Variants in PIBF1 observed in about 807,000 individuals in gnomAD.
PIBF1 encodes progesterone-induced-blocking factor 1.
Under a neutral mutation model 112.5 loss-of-function variants are expected in PIBF1, and 90 were observed. The observed-to-expected ratio is 0.80, with a 90% confidence interval of 0.67 to 0.95. PIBF1 has a LOEUF of 0.95. Among genes scored for constraint, PIBF1 ranks in the 40% least tolerant of loss-of-function variants. The probability of loss-of-function intolerance (pLI) is 0.00; values close to 1 mark genes in which losing one functional copy is unlikely to be tolerated. For synonymous variants in PIBF1, 301 were observed against 288.6 expected, an observed-to-expected ratio of 1.04 and a Z score of -0.44; for missense variants, 915 against 852.3, an observed-to-expected ratio of 1.07 and a Z score of -0.92.
At chr13:72,951,803 G>A (rs1415543141) in intron 14 of PIBF1, among the ~76,000 whole-genome samples, 2 of 152,132 alleles carry the variant, frequency 1.3e-5, no homozygotes, top group Non-Finnish European at 2.9e-5. Context: ...CCAGGCTCAA[G>A]CAATTCTCAT....
chr13:72,928,211 G>T (rs375327445), intron 13 of PIBF1, among the ~76,000 whole-genome samples: 7 of 150,830 alleles, frequency 4.6e-5, no homozygotes, highest in Non-Finnish European at 8.8e-5. Flanking sequence ...TAATACTCAC[G>T]GTCCTTCCCG....
At chr13:72,864,834 C>G (rs1413515047) in intron 10 of PIBF1, among the ~76,000 whole-genome samples, 2 of 152,150 alleles carry the variant, frequency 1.3e-5, no homozygotes, top group African/African-American at 4.8e-5. Flanking sequence ...TAAATGAGCT[C>G]TTATTTCCTA....
At chr13:73,002,817 C>G (rs1429819060) in intron 17 of PIBF1, among the ~76,000 whole-genome samples, 1 of 151,920 alleles carries the variant, frequency 6.6e-6, no homozygotes, top group African/African-American at 2.4e-5. Flanking sequence ...AATCCCGTCT[C>G]TACTAAAAAT....
chr13:72,965,855 C>T (rs2042726492), intron 15 of PIBF1, among the ~76,000 whole-genome samples: 1 of 152,114 alleles, frequency 6.6e-6, no homozygotes, highest in African/African-American at 2.4e-5. Context: ...TTCTTCTGAC[C>T]TTTTACATGA....
rs557206478 is a variant in PIBF1 at position 72,975,103 on chromosome 13, T to A, written c.2049+1428T>A. 2.0e-5 allele frequency among the ~76,000 whole-genome samples: 3 copies of A among 151,002 alleles called. No individual in the cohort carries two copies. The South Asian group carries it at 6.3e-4, about 32-fold the overall frequency. On this transcript the variant is annotated intron_variant, in intron 16 of 17. Coordinates refer to ENST00000326291, the MANE Select transcript of PIBF1 (RefSeq NM_006346.4). The stretch of plus-strand genomic sequence containing the variant: ...CAGGATCTTGCTCTGTCACCCAGGC[T>A]GGAGTGCAGTGGCATGATCTCGGCT...
At chr13:72,851,611 C>A (rs759182052) in intron 9 of PIBF1, among the ~76,000 whole-genome samples, 4 of 152,164 alleles carry the variant, frequency 2.6e-5, no homozygotes, top group Non-Finnish European at 5.9e-5. Context: ...GGCTTCTGGG[C>A]GGAAAGGGGT....
Position 72,945,757 on chromosome 13 carries a change from C to T in PIBF1, c.1833+14490C>T, listed in dbSNP as rs914681290. ...AATTTGTTGAATCAAAAAGCCAAAG[C>T]TAAGCAATAATAATAAGACAAAAAT... On this transcript the variant is annotated intron_variant, in intron 14 of 17. Coordinates refer to ENST00000326291, the MANE Select transcript of PIBF1 (RefSeq NM_006346.4). Among the ~76,000 whole-genome samples, 3 of 151,782 alleles carry T rather than the reference C, an allele frequency of 2.0e-5. No homozygotes were observed. The South Asian group carries it at 6.3e-4, about 32-fold the overall frequency.
chr13:72,897,689 T>C (rs2040334511), intron 11 of PIBF1, among the ~76,000 whole-genome samples: 1 of 152,148 alleles, frequency 6.6e-6, no homozygotes, highest in Non-Finnish European at 1.5e-5. Context: ...AAAAAAACTT[T>C]AAAGCAACAG....
intron 9 of PIBF1, among the ~76,000 whole-genome samples, chr13:72,844,763 A>ATGAAGT (rs1566348452): frequency 5.5e-5 from 7 of 126,458 alleles, no homozygotes; most frequent in Admixed American, 2.3e-4. Context: ...ACACACACAC[A>ATGAAGT]CACACACACA....
intron 16 of PIBF1, among the ~76,000 whole-genome samples, chr13:72,986,306 C>T (rs531261549): frequency 2.0e-5 from 3 of 152,254 alleles, no homozygotes; most frequent in African/African-American, 7.2e-5. Context: ...ACATGAATGT[C>T]AGAAAGCAGA....
rs916107610 is a variant in PIBF1, at chr13:72,862,093, C to G, written c.1322+7938C>G. On this transcript the variant is annotated intron_variant, in intron 10 of 17. Coordinates refer to ENST00000326291, the MANE Select transcript of PIBF1 (RefSeq NM_006346.4). ...TCTTCAGTGTGCCAAGGGAAGAAAA[C>G]AAAATGGACCAGGAAAAAAAACATT... is the stretch of plus-strand genomic sequence containing the variant. 2.0e-5 allele frequency among the ~76,000 whole-genome samples: 3 copies of G among 151,880 alleles called. No individual in the cohort carries two copies. In the East Asian group the frequency reaches 5.8e-4, roughly 29 times the overall value.
intron 9 of PIBF1, among the ~76,000 whole-genome samples, chr13:72,842,921 A>G (rs1344622264): frequency 1.3e-5 from 2 of 152,212 alleles, no homozygotes; most frequent in East Asian, 1.9e-4. Context: ...GATGTTTACA[A>G]CGTGTGTTCA....
intron 7 of PIBF1, among the ~76,000 whole-genome samples, chr13:72,827,450 T>C (rs1209028180): frequency 6.6e-6 from 1 of 152,014 alleles, no homozygotes; most frequent in Admixed American, 6.6e-5. Context: ...GGTTTCACCA[T>C]GTTGGCCAGG....
chr13:72,836,174 T>G (rs1391195230), intron 9 of PIBF1: 1 of 427,784 alleles, frequency 2.3e-6, no homozygotes, highest in Non-Finnish European at 4.6e-6. Flanking sequence ...TAGGCTCACC[T>G]AGTTAGTGAT....
chr13:72,880,470 A>G (rs1474555691), intron 10 of PIBF1, among the ~76,000 whole-genome samples: 1 of 152,200 alleles, frequency 6.6e-6, no homozygotes, highest in Admixed American at 6.5e-5. Flanking sequence ...TACTGTACCA[A>G]TACAGTTTTA....
intron 14 of PIBF1, among the ~76,000 whole-genome samples, chr13:72,950,778 G>A (rs1017249100): frequency 1.1e-4 from 17 of 152,238 alleles, no homozygotes; most frequent in African/African-American, 4.1e-4. Context: ...CCTGCCCTTT[G>A]GTGCTCATAC....
At chr13:72,973,945 A>G (rs908127421) in intron 16 of PIBF1, 2 of 417,740 alleles carry the variant, frequency 4.8e-6, no homozygotes, top group Non-Finnish European at 4.2e-6. Context: ...TTATTCTGCA[A>G]CTAGACAGTT....
At chr13:72,981,168 C>A (rs2043147435) in intron 16 of PIBF1, among the ~76,000 whole-genome samples, 1 of 151,784 alleles carries the variant, frequency 6.6e-6, no homozygotes. Context: ...TCACTTGAAC[C>A]CAGGAGGTGG....
chr13:72,839,833 G>A (rs772393775), intron 9 of PIBF1, among the ~76,000 whole-genome samples: 6 of 152,140 alleles, frequency 3.9e-5, no homozygotes, highest in Non-Finnish European at 8.8e-5. Flanking sequence ...CAACAGAGCC[G>A]TTTCTGGAAG....
Sources: gnomAD v4.1 joint callset for allele counts (sites outside exome capture counted in the v4.1 genomes callset) on GRCh38, gnomAD v4.1.1 for gene constraint, MANE v1.5 for transcripts, NCBI Gene and HGNC (gene_info 2026-07-23, HGNC 2026-07-21) for gene names.